TRIM5: variants seen among roughly 807,000 people sequenced by gnomAD.
TRIM5 encodes the protein tripartite motif containing 5.
Under a neutral mutation model 35.6 loss-of-function variants are expected in TRIM5, and 31 were observed. That is an observed-to-expected ratio of 0.87 (90% CI 0.65 to 1.18). The LOEUF (loss-of-function observed/expected upper bound fraction) is 1.18, where lower values mean the gene tolerates loss of function less well. Among genes scored for constraint, TRIM5 ranks in the 50% most tolerant of loss-of-function variants. The pLI is 0.00. For missense variants in TRIM5, 609 were observed against 591.6 expected, an observed-to-expected ratio of 1.03 and a Z score of -0.31; for synonymous variants, 243 against 215.6, an observed-to-expected ratio of 1.13 and a Z score of -1.11.
the TRIM5 span, chr11:5,611,363 A>G: frequency 2.5e-6 from 4 of 1,574,304 alleles, no homozygotes; most frequent in Non-Finnish European, 3.5e-6. Flanking sequence ...GTTCCCACCC[A>G]CTTCTGATAA....
chr11:5,669,804 C>A, intron 4 of TRIM5: 1 of 162,606 alleles, frequency 6.1e-6, no homozygotes, highest in South Asian at 1.1e-4. Flanking sequence ...TCAAGACCAG[C>A]CTGGCCAATC....
the TRIM5 span, among the ~76,000 whole-genome samples, chr11:5,615,580 T>TG: frequency 1.7e-5 from 2 of 116,886 alleles, no homozygotes; most frequent in South Asian, 2.4e-4. Flanking sequence ...GTTTTTTGTT[T>TG]TTTTTTTGTT....
At chr11:5,643,650 C>G in the TRIM5 span, 4 of 1,613,968 alleles carry the variant, frequency 2.5e-6, no homozygotes, top group Non-Finnish European at 3.4e-6. Context: ...GCCTGTTTAT[C>G]CATATTTCAA....
intron 1 of TRIM5, among the ~76,000 whole-genome samples, chr11:5,681,037 G>A (rs1439123217): frequency 1.3e-5 from 2 of 152,294 alleles, no homozygotes; most frequent in Non-Finnish European, 2.9e-5. Context: ...AGGTTCTGAG[G>A]AGTCTCATCC....
the TRIM5 span, chr11:5,643,744 T>C: frequency 0.95 from 1,453,716 of 1,535,976 alleles, 690,676 homozygotes; most frequent in East Asian, 1. Context: ...CCCTTTGTCT[T>C]GACTTATCTC....
In TRIM5 at chr11:5,663,716, G is replaced by A. The variant is rs567591992; in HGVS notation, c.*1093C>T. 67 of 394,108 alleles carry A rather than the reference G, an allele frequency of 1.7e-4. No homozygotes were observed. The South Asian group carries it at 3.0e-3, about 17-fold the overall frequency. 24.4% of individuals were successfully genotyped at this position (394,108 alleles called of 1,614,324 possible). ...TACATGTATACATTGCGTAATAACC[G>A]AACCAGGGTAATTAGCATATCCATC... On this transcript the variant is annotated 3_prime_UTR_variant, in exon 8 of 8. Transcript: ENST00000380034.
Position 5,665,679 on chromosome 11 carries a change from A to G in TRIM5, c.872T>C (p.Leu291Pro). The part of the protein sequence containing the change: ...LKGMLEVFRE[L>P]TDVRRYWVDV... ...ACCCCAGTAGCGTCGGACATCTGTCAGCTCTGAAATGATAAAAATGCACAA... is the reference window on the plus strand; with the variant it reads ...ACCCCAGTAGCGTCGGACATCTGTCGGCTCTGAAATGATAAAAATGCACAA... The change falls in exon 7 of 8, where the codon CTG becomes CCG. Residue 291 changes from leucine to proline, a missense_variant. Physicochemically the swap from Leu to Pro is moderately conservative, Grantham distance 98. Transcript: ENST00000380034. 6.6e-7 allele frequency: 1 copy of G among 1,516,164 alleles called. No homozygotes were observed. The allele number at this position is 1,516,164 out of a possible 1,614,324, so 93.9% of individuals were successfully genotyped here. A position where few individuals can be genotyped will look rare whatever the true frequency, so the allele number is the denominator to read the frequency against.
chr11:5,615,790 A>G, the TRIM5 span, among the ~76,000 whole-genome samples: 342 of 151,538 alleles, frequency 2.3e-3, 1 homozygote, highest in African/African-American at 7.8e-3. Flanking sequence ...ACGGGGTTTC[A>G]CCATGTTGGT....
the TRIM5 span, among the ~76,000 whole-genome samples, chr11:5,613,225 G>T: frequency 6.6e-6 from 1 of 152,218 alleles, no homozygotes; most frequent in South Asian, 2.1e-4. Context: ...AACATATCTA[G>T]AAGTGTAGAA....
At chr11:5,662,709 T>C (rs1850871523), downstream of TRIM5, among the ~76,000 whole-genome samples, 1 of 152,254 alleles carries the variant, frequency 6.6e-6, no homozygotes, top group East Asian at 1.9e-4. Context: ...AAGAAAAATC[T>C]GTGATTTTTA....
the TRIM5 span, among the ~76,000 whole-genome samples, chr11:5,596,473 C>A: frequency 6.6e-6 from 1 of 150,474 alleles, no homozygotes; most frequent in South Asian, 2.1e-4. Flanking sequence ...TTTTGTCAGG[C>A]GTGGATTCAG....
At chr11:5,653,560 C>A in the TRIM5 span, among the ~76,000 whole-genome samples, 1 of 147,318 alleles carries the variant, frequency 6.8e-6, no homozygotes, top group Admixed American at 6.9e-5. Context: ...GGAGTGATCT[C>A]GACTCACTGC....
the TRIM5 span, chr11:5,611,113 G>C: frequency 1.9e-6 from 3 of 1,614,112 alleles, no homozygotes; most frequent in Non-Finnish European, 1.7e-6. Flanking sequence ...CATGAATATA[G>C]GGCCTATGAG....
At chr11:5,633,918 G>A in the TRIM5 span, 1 of 1,612,620 alleles carries the variant, frequency 6.2e-7, no homozygotes. Context: ...AGATTCTGAA[G>A]GTTTTCTGAG....
At chr11:5,633,645 T>C in the TRIM5 span, among the ~76,000 whole-genome samples, 2 of 152,240 alleles carry the variant, frequency 1.3e-5, no homozygotes, top group Admixed American at 1.3e-4. Flanking sequence ...TACATTCATC[T>C]CCTCAAAATT....
At chr11:5,657,398 G>A in the TRIM5 span, among the ~76,000 whole-genome samples, 7 of 149,516 alleles carry the variant, frequency 4.7e-5, no homozygotes, top group South Asian at 1.0e-3. Flanking sequence ...ACCATGGTAC[G>A]TGTATACCTG....
At chr11:5,675,205 TTA>T (rs370297403) in intron 4 of TRIM5, among the ~76,000 whole-genome samples, 19,992 of 151,214 alleles carry the variant, frequency 0.13, 1,995 homozygotes, top group East Asian at 0.44. Flanking sequence ...ATTTTTTGTA[TTA>T]TTTTTTTTCA....
the TRIM5 span, chr11:5,589,496 ATG>A: frequency 6.6e-6 from 1 of 151,952 alleles, no homozygotes; most frequent in African/African-American, 2.4e-5. Flanking sequence ...ACTTGTATTT[ATG>A]TGTGTTTTTA....
the TRIM5 span, chr11:5,632,155 G>T: frequency 1.4e-6 from 2 of 1,480,044 alleles, no homozygotes; most frequent in South Asian, 2.8e-5. Flanking sequence ...CATCTTCTTT[G>T]TTCTTTGATA....
Sources: allele counts gnomAD v4.1 joint callset (sites outside exome capture counted in the v4.1 genomes callset), GRCh38; gene constraint gnomAD v4.1.1; transcripts MANE v1.5; gene names NCBI Gene and HGNC (gene_info 2026-07-23, HGNC 2026-07-21).